The following NFATC2 variants were observed in gnomAD, a reference collection of about 807,000 sequenced individuals.
The protein encoded by NFATC2 is nuclear factor of activated T-cells, cytoplasmic 2.
Under a neutral mutation model 87.3 loss-of-function variants are expected in NFATC2, and 22 were observed. That is an observed-to-expected ratio of 0.25 (90% CI 0.18 to 0.36). NFATC2 has a LOEUF of 0.36. Ranked by LOEUF, NFATC2 falls within the 10% of genes least tolerant of loss-of-function variation. The probability of loss-of-function intolerance (pLI) is 1.00; values close to 1 mark genes in which losing one functional copy is unlikely to be tolerated. For synonymous variants in NFATC2, 565 were observed against 542.2 expected (o/e 1.04, Z -0.58); for missense variants, 1,149 against 1,259.1 (o/e 0.91, Z 1.32).
chr20:51,464,010 C>T (rs1025184588), intron 5 of NFATC2, among the ~76,000 whole-genome samples: 1 of 152,178 alleles, frequency 6.6e-6, no homozygotes, highest in Non-Finnish European at 1.5e-5. Flanking sequence ...TCCACTCACT[C>T]ATCAGGTGGC....
intron 3 of NFATC2, among the ~76,000 whole-genome samples, chr20:51,499,607 C>G (rs984063293): frequency 2.6e-5 from 4 of 151,850 alleles, no homozygotes; most frequent in African/African-American, 9.7e-5. Context: ...CAAAAATTAG[C>G]CAGGCGTGGT....
At chr20:51,517,244 G>A in intron 2 of NFATC2, among the ~76,000 whole-genome samples, 1 of 151,734 alleles carries the variant, frequency 6.6e-6, no homozygotes, top group East Asian at 1.9e-4. Context: ...TAACACAATG[G>A]GAATTATTTG....
At chr20:51,401,898 T>C (rs1473779888) in intron 9 of NFATC2, among the ~76,000 whole-genome samples, 1 of 152,166 alleles carries the variant, frequency 6.6e-6, no homozygotes, top group East Asian at 1.9e-4. Context: ...CCCAAGAATC[T>C]GTCTCCTTGA....
chr20:51,392,945 G>A (rs186319372), intron 10 of NFATC2, among the ~76,000 whole-genome samples: 74 of 152,262 alleles, frequency 4.9e-4, no homozygotes, highest in South Asian at 2.1e-3. Context: ...TTACCTCTCC[G>A]TGCCTCAATT....
At chr20:51,438,541 C>G (rs1355763628) in intron 6 of NFATC2, among the ~76,000 whole-genome samples, 1 of 151,890 alleles carries the variant, frequency 6.6e-6, no homozygotes, top group Non-Finnish European at 1.5e-5. Flanking sequence ...TAAGTAGGAT[C>G]CATAAAGCTT....
intron 9 of NFATC2, among the ~76,000 whole-genome samples, chr20:51,430,189 G>A (rs1256379573): frequency 1.3e-5 from 2 of 152,134 alleles, no homozygotes; most frequent in South Asian, 2.1e-4. Context: ...GACCAGACCA[G>A]CCCTAGGTGC....
chr20:51,544,081 G>A (rs2076867308), upstream of NFATC2, among the ~76,000 whole-genome samples: 1 of 140,158 alleles, frequency 7.1e-6, no homozygotes, highest in Non-Finnish European at 1.5e-5. Context: ...TCTGCCTTCT[G>A]GGTTCACGCC....
chr20:51,401,112 G>A (rs948062686), intron 9 of NFATC2, among the ~76,000 whole-genome samples: 12 of 152,180 alleles, frequency 7.9e-5, no homozygotes, highest in African/African-American at 2.7e-4. Flanking sequence ...GCTCATGCCT[G>A]TAATCCCAGA....
chr20:51,397,374 C>A (rs981671266), intron 10 of NFATC2, among the ~76,000 whole-genome samples: 4 of 152,124 alleles, frequency 2.6e-5, no homozygotes, highest in African/African-American at 4.8e-5. Flanking sequence ...GGACTGTAGC[C>A]CAGAGCTGTG....
At chr20:51,462,028 A>C (rs1343205449) in intron 5 of NFATC2, among the ~76,000 whole-genome samples, 1 of 151,988 alleles carries the variant, frequency 6.6e-6, no homozygotes, top group Non-Finnish European at 1.5e-5. Flanking sequence ...CTGAGGCAAG[A>C]GAATTGCTTG....
At chr20:51,413,840 T>C (rs960556968) in intron 9 of NFATC2, among the ~76,000 whole-genome samples, 4 of 152,188 alleles carry the variant, frequency 2.6e-5, no homozygotes, top group African/African-American at 9.7e-5. Flanking sequence ...TGTGGGACCT[T>C]GGACCAGTTA....
chr20:51,416,611 G>A (rs1980075337), intron 9 of NFATC2, among the ~76,000 whole-genome samples: 1 of 152,200 alleles, frequency 6.6e-6, no homozygotes, highest in Admixed American at 6.5e-5. Context: ...AGACATTTCT[G>A]CAGCCCTGGA....
At chr20:51,488,586 T>G (rs2075824758) in intron 3 of NFATC2, among the ~76,000 whole-genome samples, 1 of 152,198 alleles carries the variant, frequency 6.6e-6, no homozygotes, top group African/African-American at 2.4e-5. Context: ...AGCTAACATT[T>G]ATGAGGAGGG....
At chr20:51,529,924 G>A (rs373449178) in intron 1 of NFATC2, among the ~76,000 whole-genome samples, 42 of 152,146 alleles carry the variant, frequency 2.8e-4, no homozygotes, top group African/African-American at 7.5e-4. Flanking sequence ...ATACAGCCCC[G>A]CCCCCGCCAA....
chr20:51,542,859 G>C, upstream of NFATC2: 1 of 418,082 alleles, frequency 2.4e-6, no homozygotes, highest in South Asian at 1.0e-4. Context: ...GGCCGGTGCC[G>C]GGAGGAAGGA....
rs897396634 is a variant in NFATC2, at chr20:51,390,425, C to T, written c.*1071G>A. 6.6e-6 allele frequency: 1 copy of T among 152,194 alleles called. No homozygotes were observed. The highest frequency in any genetic ancestry group is 6.5e-5 in the Admixed American group (1 of 15,282). The allele number at this position is 152,194 out of a possible 1,614,324, so 9.4% of individuals were successfully genotyped here. Reference sequence around the variant, plus strand: ...ACTTCTTTTCTTGGTTGCTTTAGCCCTTCTGCTATTCCTCAATTAAATGCA... The same window carrying T: ...ACTTCTTTTCTTGGTTGCTTTAGCCTTTCTGCTATTCCTCAATTAAATGCA... On this transcript the variant is annotated 3_prime_UTR_variant, in exon 11 of 11. Transcript: ENST00000371564.
In NFATC2 at chr20:51,516,939, A is replaced by G; in HGVS notation, c.1177T>C (p.Ser393Pro). ...IPICSIPVTA[S>P]LPPLEWPLSS... ...AGCGGCCACTCAAGTGGAGGGAGGG[A>G]TGCAGTCACTGGGATGCTAAAGGAG... The change falls in exon 3 of 11, where the codon TCC becomes CCC. Residue 393 changes from serine (S) to proline (P), a missense_variant. Physicochemically the swap from Ser to Pro is moderately conservative, Grantham distance 74. Transcript: ENST00000371564. 1 of 1,611,858 alleles carries G rather than the reference A, an allele frequency of 6.2e-7. No homozygotes were observed. Among genetic ancestry groups the G allele is most frequent in the Non-Finnish European group, 8.5e-7 (1 of 1,179,200 alleles).
intron 3 of NFATC2, among the ~76,000 whole-genome samples, chr20:51,491,255 T>C (rs2075877774): frequency 6.6e-6 from 1 of 151,842 alleles, no homozygotes. Context: ...CTCTGAGTGA[T>C]TCTTCCACAT....
chr20:51,492,671 C>T (rs1322665281), intron 3 of NFATC2, among the ~76,000 whole-genome samples: 1 of 152,244 alleles, frequency 6.6e-6, no homozygotes, highest in East Asian at 1.9e-4. Context: ...GGCTAATGGG[C>T]TCCCCGCTCC....
Sources: allele counts gnomAD v4.1 joint callset (sites outside exome capture counted in the v4.1 genomes callset), GRCh38; gene constraint gnomAD v4.1.1; transcripts MANE v1.5; gene names NCBI Gene and HGNC (gene_info 2026-07-23, HGNC 2026-07-21).